CCDC18: variants seen among roughly 807,000 people sequenced by gnomAD.
CCDC18 encodes coiled-coil domain-containing protein 18.
Under a neutral mutation model 196.0 loss-of-function variants are expected in CCDC18, and 157 were observed. The observed-to-expected ratio is 0.80, with a 90% CI of 0.70 to 0.91. The LOEUF is 0.91. Ranked by LOEUF, CCDC18 falls within the 40% of genes least tolerant of loss-of-function variation. CCDC18 has a pLI of 0.00. For missense variants in CCDC18, 1,465 were observed against 1,611.6 expected (o/e 0.91, Z 1.56); for synonymous variants, 482 against 529.2 (o/e 0.91, Z 1.22).
chr1:93,270,054 C>T (rs1014594783), intron 27 of CCDC18, among the ~76,000 whole-genome samples: 4 of 151,972 alleles, frequency 2.6e-5, no homozygotes, highest in Non-Finnish European at 2.9e-5. Context: ...AGATTTCAAT[C>T]TTGAATAGAA....
At position 93,256,443 on chromosome 1, in the gene CCDC18, T is replaced by A; in HGVS notation, c.3451T>A (p.Leu1151Met). 1 of 1,614,014 alleles carries A rather than the reference T, an allele frequency of 6.2e-7. No individual in the cohort carries two copies. Reference protein sequence around the residue: ...REQVQNSHTELAEARHQQVQA... With the variant: ...REQVQNSHTEMAEARHQQVQA... ...GCAGGTGCAGAACTCTCATACAGAA[T>A]TGGCAGAGGCTCGTCATCAGCAAGT... Residue 1151 changes from leucine to methionine, a missense_variant, in exon 25 of 29, where the codon TTG (leucine) becomes ATG (methionine). Coordinates refer to ENST00000690025, the MANE Select transcript of CCDC18 (RefSeq NM_001378204.1).
chr1:93,275,786 G>A (rs1286133323), intron 28 of CCDC18, among the ~76,000 whole-genome samples: 2 of 152,146 alleles, frequency 1.3e-5, no homozygotes, highest in Non-Finnish European at 2.9e-5. Flanking sequence ...CTCTTAATTC[G>A]TTCACTGCCA....
intron 1 of CCDC18, among the ~76,000 whole-genome samples, chr1:93,182,121 C>G (rs1649820676): frequency 6.6e-6 from 1 of 152,174 alleles, no homozygotes; most frequent in Non-Finnish European, 1.5e-5. Context: ...AGTCTTGTCA[C>G]TTAAGCAGAA....
At chr1:93,275,548 C>T (rs1665577117) in intron 28 of CCDC18, among the ~76,000 whole-genome samples, 1 of 152,094 alleles carries the variant, frequency 6.6e-6, no homozygotes, top group Non-Finnish European at 1.5e-5. Context: ...TCTTTTAAAC[C>T]AAATAAATTA....
At chr1:93,263,424 G>C (rs72959236) in intron 26 of CCDC18, among the ~76,000 whole-genome samples, 13,568 of 152,052 alleles carry the variant, frequency 0.089, 1,993 homozygotes, top group African/African-American at 0.31. Flanking sequence ...ACAAAAGCCA[G>C]ATCACCTCTT....
intron 26 of CCDC18, among the ~76,000 whole-genome samples, chr1:93,259,417 T>C (rs908558612): frequency 6.6e-6 from 1 of 152,220 alleles, no homozygotes; most frequent in East Asian, 1.9e-4. Flanking sequence ...TTGACTAGAA[T>C]AGCATTTTTC....
intron 10 of CCDC18, 150 bp from the exon 11 acceptor site, chr1:93,211,951 G>A: frequency 1.6e-6 from 1 of 628,836 alleles, no homozygotes; most frequent in South Asian, 2.1e-5. Context: ...TTCTACAGTG[G>A]TATATGGGAG....
At chr1:93,205,799 G>C (rs1654617941) in intron 8 of CCDC18, among the ~76,000 whole-genome samples, 168 bp downstream of exon 8, 1 of 152,092 alleles carries the variant, frequency 6.6e-6, no homozygotes, top group South Asian at 2.1e-4. Flanking sequence ...TAGAAGTGAA[G>C]TAAAATGTGT....
Position 93,239,416 on chromosome 1 carries a change from C to A in CCDC18, c.2710C>A (p.Gln904Lys), listed in dbSNP as rs1009162190. ...AGAAAATAAAGCAATGCACCTCTCTCAATTAGATATGATCTTAGATCAGAC... is the reference window on the plus strand; with the variant it reads ...AGAAAATAAAGCAATGCACCTCTCTAAATTAGATATGATCTTAGATCAGAC... ...DGENKAMHLSQLDMILDQTKT... is the reference protein window; with the variant it reads ...DGENKAMHLSKLDMILDQTKT... The change falls in exon 20 of 29, where the codon CAA becomes AAA. Residue 904 changes from glutamine to lysine, a missense_variant. Physicochemically the swap from Gln to Lys is moderately conservative, Grantham distance 53. Coordinates refer to ENST00000690025, the MANE Select transcript of CCDC18 (RefSeq NM_001378204.1). The A allele has an allele frequency of 1.2e-6, 2 of 1,612,248 alleles. No individual in the cohort carries two copies. Among genetic ancestry groups the A allele is most frequent in the South Asian group, 2.2e-5 (2 of 90,962 alleles).
At chr1:93,260,049 C>A (rs1002113657) in intron 26 of CCDC18, among the ~76,000 whole-genome samples, 5 of 152,142 alleles carry the variant, frequency 3.3e-5, no homozygotes, top group African/African-American at 1.2e-4. Context: ...TTCCAGAGCT[C>A]AGATAACCCT....
At chr1:93,219,131 G>A (rs1656991498) in intron 14 of CCDC18, among the ~76,000 whole-genome samples, 1 of 152,128 alleles carries the variant, frequency 6.6e-6, no homozygotes, top group Non-Finnish European at 1.5e-5. Flanking sequence ...GCAGTCAGTT[G>A]GAACATGTTT....
chr1:93,186,625 T>C (rs1571327248), intron 4 of CCDC18, 122 bp downstream of exon 4: 2 of 660,406 alleles, frequency 3.0e-6, no homozygotes, highest in East Asian at 2.9e-5. Context: ...ATTTTCATTA[T>C]AATACTATAG....
At chr1:93,180,516 C>T (rs1339475661), upstream of CCDC18, 1 of 1,530,792 alleles carries the variant, frequency 6.5e-7, no homozygotes, top group South Asian at 1.1e-5. Context: ...CTCCCCCTGA[C>T]GGCCTCCGGT....
rs767600605 is a variant in CCDC18, at chr1:93,207,399, G to GT, written c.1209+2dup. The GT allele has an allele frequency of 1.3e-6, 2 of 1,573,438 alleles. No homozygotes were observed. The highest frequency in any genetic ancestry group is 2.7e-5 in the African/African-American group (2 of 73,144). ...GGAAAAGATTATATCCCAGTTGCCA[G>GT]TAAGTATGTGTGATTACGTAATGGA... is the stretch of plus-strand genomic sequence containing the variant. On this transcript the variant is annotated splice_donor_variant, in intron 9 of 28. Coordinates refer to ENST00000690025, the MANE Select transcript of CCDC18 (RefSeq NM_001378204.1). LOFTEE classifies it high-confidence loss of function.
Position 93,216,727 on chromosome 1 carries a change from A to G in CCDC18, c.1811A>G (p.Glu604Gly). The change falls in exon 13 of 29, where the codon GAA becomes GGA. Residue 604 changes from glutamate (E) to glycine (G), a missense_variant. Coordinates refer to ENST00000690025, the MANE Select transcript of CCDC18 (RefSeq NM_001378204.1). ...AYSSIAAKNA[E>G]LEQELMEKNE... ...TCCTCTATTGCTGCAAAAAATGCAG[A>G]ACTAGAACAGGAGCTTATGGTAAAA... The G allele has an allele frequency of 6.4e-7, 1 of 1,566,018 alleles. No homozygotes were observed. The highest frequency in any genetic ancestry group is 1.2e-5 in the South Asian group (1 of 84,482).
chr1:93,181,407 G>A (rs1649658410), intron 1 of CCDC18, among the ~76,000 whole-genome samples: 1 of 152,070 alleles, frequency 6.6e-6, no homozygotes, highest in South Asian at 2.1e-4. Flanking sequence ...CAAACACATT[G>A]TTAATTAGGG....
rs367800477 is a variant in CCDC18, at chr1:93,184,025, C to T, written c.182C>T (p.Ser61Phe). 1.3e-5 allele frequency: 21 copies of T among 1,584,408 alleles called. No homozygotes were observed. Among genetic ancestry groups the T allele is most frequent in the Non-Finnish European group, 1.8e-5 (21 of 1,161,842 alleles). ...NSDYAPNPSR[S>F]EKLILDVQPS... is the part of the protein sequence containing the mutation. ...GATTATGCCCCTAATCCTTCAAGGT[C>T]TGAAAAGCTAATTTTGGATGTTCAG... The change falls in exon 3 of 29, where the codon TCT becomes TTT. Residue 61 changes from serine to phenylalanine, a missense_variant. Coordinates refer to ENST00000690025, the MANE Select transcript of CCDC18 (RefSeq NM_001378204.1).
At chr1:93,229,224 G>A (rs536719976) in intron 17 of CCDC18, among the ~76,000 whole-genome samples, 6 of 152,304 alleles carry the variant, frequency 3.9e-5, no homozygotes, top group African/African-American at 7.2e-5. Flanking sequence ...ATTTATTGCC[G>A]CTCAATCCTT....
chr1:93,210,389 T>G (rs1557631244), intron 9 of CCDC18, among the ~76,000 whole-genome samples: 1 of 152,206 alleles, frequency 6.6e-6, no homozygotes, highest in Non-Finnish European at 1.5e-5. Flanking sequence ...TTTGTGTACC[T>G]TGTCAGATCC....
Sources: allele counts gnomAD v4.1 joint callset (sites outside exome capture counted in the v4.1 genomes callset), GRCh38; gene constraint gnomAD v4.1.1; transcripts MANE v1.5; gene names NCBI Gene and HGNC (gene_info 2026-07-23, HGNC 2026-07-21).